The following SMCO2 variants were observed in gnomAD, a reference collection of about 807,000 sequenced individuals.
SMCO2 encodes single-pass membrane and coiled-coil domain-containing protein 2.
Under a neutral mutation model 29.5 loss-of-function variants are expected in SMCO2, and 25 were observed. The observed-to-expected ratio is 0.85, with a 90% CI of 0.62 to 1.18. The LOEUF is 1.18. Ranked by LOEUF, SMCO2 falls within the 50% of genes most tolerant of loss-of-function variation. SMCO2 has a pLI of 0.00. For synonymous variants in SMCO2, 117 were observed against 123.3 expected, an observed-to-expected ratio of 0.95 and a Z score of 0.34; for missense variants, 348 against 344.5, an observed-to-expected ratio of 1.01 and a Z score of -0.08.
intron 3 of SMCO2, chr12:27,473,077 G>A (rs540848657): frequency 3.5e-4 from 174 of 490,478 alleles, no homozygotes; most frequent in Non-Finnish European, 4.8e-4. Context: ...ACCACATGAA[G>A]GACTTACTAG....
chr12:27,490,059 C>T (rs1363575058), intron 5 of SMCO2, among the ~76,000 whole-genome samples: 1 of 152,078 alleles, frequency 6.6e-6, no homozygotes, highest in Non-Finnish European at 1.5e-5. Flanking sequence ...TTTATGTACA[C>T]ATTAAAAGCA....
At chr12:27,465,028 C>CAAAAAAAAAAAAAAAAAAAAAA, upstream of SMCO2, among the ~76,000 whole-genome samples, 1 of 60,534 alleles carries the variant, frequency 1.7e-5, no homozygotes, top group Non-Finnish European at 3.3e-5. Context: ...GACCCTGTCT[C>CAAAAAAAAAAAAAAAAAAAAAA]AAAAAAAAAA....
the SMCO2 span, among the ~76,000 whole-genome samples, chr12:27,444,237 C>T: frequency 6.6e-6 from 1 of 152,134 alleles, no homozygotes; most frequent in Non-Finnish European, 1.5e-5. Context: ...CAAGAACATA[C>T]AATAGGGAAA....
At chr12:27,496,098 G>T (rs1444564027) in intron 7 of SMCO2, among the ~76,000 whole-genome samples, 2 of 149,858 alleles carry the variant, frequency 1.3e-5, no homozygotes, top group Admixed American at 1.3e-4. Flanking sequence ...TAAATCTAAA[G>T]ATTTATCTTT....
the SMCO2 span, among the ~76,000 whole-genome samples, chr12:27,439,400 G>A: frequency 6.6e-6 from 1 of 152,140 alleles, no homozygotes; most frequent in African/African-American, 2.4e-5. Context: ...AGGAGGCAGT[G>A]ACTTGAATAA....
intron 1 of SMCO2, chr12:27,467,038 G>A (rs145316355): frequency 6.6e-6 from 1 of 152,166 alleles, no homozygotes; most frequent in African/African-American, 2.4e-5. Context: ...TAGTGACGTC[G>A]AATCCCTGAT....
At chr12:27,501,312 A>T (rs1943072509) in intron 7 of SMCO2, among the ~76,000 whole-genome samples, 1 of 142,622 alleles carries the variant, frequency 7.0e-6, no homozygotes, top group African/African-American at 2.7e-5. Context: ...GCTACTCGGG[A>T]GGCTGAGGCA....
At chr12:27,440,392 G>T in the SMCO2 span, among the ~76,000 whole-genome samples, 1 of 152,162 alleles carries the variant, frequency 6.6e-6, no homozygotes, top group Non-Finnish European at 1.5e-5. Flanking sequence ...ACACTAACGT[G>T]CAAAGGAAAA....
At chr12:27,472,583 C>A (rs1007230588) in intron 2 of SMCO2, among the ~76,000 whole-genome samples, 193 bp from the exon 3 acceptor site, 8 of 152,148 alleles carry the variant, frequency 5.3e-5, no homozygotes, top group African/African-American at 1.7e-4. Context: ...ATTTATCCAG[C>A]CCCTCTATTT....
Position 27,470,623 on chromosome 12 carries a change from G to A in SMCO2, c.-9G>A. 1 of 1,550,444 alleles carries A rather than the reference G, an allele frequency of 6.4e-7. No homozygotes were observed. The highest frequency in any genetic ancestry group is 8.7e-7 in the Non-Finnish European group (1 of 1,146,366). ...TTGTTGTCATTATTGTCCTTACAGT[G>A]CCGAAGAAATGGCTCTCACGCCCAC... On this transcript the variant is annotated splice_region_variant and 5_prime_UTR_variant, in exon 2 of 8. An upstream start codon of the reference 5' UTR is lost. Transcript: ENST00000298876.
chr12:27,432,054 G>A, the SMCO2 span, among the ~76,000 whole-genome samples: 125 of 152,144 alleles, frequency 8.2e-4, no homozygotes, highest in Middle Eastern at 0.017. Flanking sequence ...TCTTTTCGAT[G>A]TTTGTTGGCC....
chr12:27,444,151 T>C, the SMCO2 span, among the ~76,000 whole-genome samples: 4 of 152,220 alleles, frequency 2.6e-5, no homozygotes, highest in African/African-American at 9.6e-5. Flanking sequence ...CAGACACACA[T>C]AGACCAATGG....
the SMCO2 span, among the ~76,000 whole-genome samples, chr12:27,448,084 A>T: frequency 6.6e-6 from 1 of 152,214 alleles, no homozygotes. Context: ...AATAGTTATC[A>T]ATTAAATACA....
At chr12:27,487,087 C>T (rs114993506) in intron 4 of SMCO2, among the ~76,000 whole-genome samples, 428 of 152,256 alleles carry the variant, frequency 2.8e-3, no homozygotes, top group African/African-American at 9.6e-3. Context: ...CAGACTTCAC[C>T]ATTTATACAT....
chr12:27,451,541 A>G, the SMCO2 span, among the ~76,000 whole-genome samples: 1 of 152,222 alleles, frequency 6.6e-6, no homozygotes, highest in Non-Finnish European at 1.5e-5. Context: ...TTCACAGCCA[A>G]CAACAAGGTT....
chr12:27,424,978 A>G, the SMCO2 span: 1 of 152,196 alleles, frequency 6.6e-6, no homozygotes, highest in Non-Finnish European at 1.5e-5. Context: ...ATCCTGACAC[A>G]TAAGAACTTT....
the SMCO2 span, among the ~76,000 whole-genome samples, chr12:27,433,639 A>G: frequency 6.6e-6 from 1 of 152,362 alleles, no homozygotes; most frequent in African/African-American, 2.4e-5. Context: ...ATTTTAAACT[A>G]TAATTATTAA....
At chr12:27,500,157 T>C (rs918511310) in intron 7 of SMCO2, among the ~76,000 whole-genome samples, 8 of 149,452 alleles carry the variant, frequency 5.4e-5, no homozygotes. Context: ...TATTTTTTTT[T>C]CCCAAAGAAA....
intron 5 of SMCO2, among the ~76,000 whole-genome samples, chr12:27,493,384 T>A (rs1178468416): frequency 1.3e-5 from 2 of 151,846 alleles, no homozygotes; most frequent in African/African-American, 2.4e-5. Flanking sequence ...AATAAAAAAC[T>A]AGCTGGGCAT....
Sources: allele counts gnomAD v4.1 joint callset (sites outside exome capture counted in the v4.1 genomes callset), GRCh38; gene constraint gnomAD v4.1.1; transcripts MANE v1.5; gene names NCBI Gene and HGNC (gene_info 2026-07-23, HGNC 2026-07-21).